The following UBR4 variants were observed in gnomAD, a reference collection of about 807,000 sequenced individuals.
The protein encoded by UBR4 is ubiquitin protein ligase E3 component n-recognin 4, also known as E3 ubiquitin-protein ligase UBR4.
A neutral mutation model predicts 575.6 loss-of-function variants in UBR4; 124 were observed. The ratio of observed to expected loss-of-function variants is 0.22; its 90% CI spans 0.19 to 0.25. UBR4 has a LOEUF of 0.25. UBR4 is among the 10% of genes least tolerant of loss of function. UBR4 has a pLI of 1.00. For missense variants in UBR4, 4,818 were observed against 6,478.8 expected (o/e 0.74, Z 8.80); for synonymous variants, 2,455 against 2,473.7 (o/e 0.99, Z 0.22).
At chr1:19,128,879 C>G (rs575848714) in intron 61 of UBR4, 99 bp downstream of exon 61, 2 of 1,061,518 alleles carry the variant, frequency 1.9e-6, no homozygotes, top group Admixed American at 3.7e-5. Context: ...TGGCCTAACA[C>G]CAAACGAAGG....
In UBR4 at chr1:19,164,226, C is replaced by A. The variant is rs752998276; in HGVS notation, c.4700+27G>T. On this transcript the variant is annotated intron_variant, in intron 33 of 105. Transcript: ENST00000375254. ...CCACTTCTCAAGATCAATGTTGTAACCTACAGATACAACTTCATCATCTTA... is the reference window on the plus strand; with the variant it reads ...CCACTTCTCAAGATCAATGTTGTAAACTACAGATACAACTTCATCATCTTA... The A allele has an allele frequency of 6.2e-6, 10 of 1,600,080 alleles. No homozygotes were observed. The East Asian group carries it at 1.1e-4, about 18-fold the overall frequency.
chr1:19,161,925 C>T lies in UBR4; in HGVS notation c.4957-28G>A, dbSNP rs774754170. 3.0e-5 allele frequency: 48 copies of T among 1,612,580 alleles called. No homozygotes were observed. The East Asian group carries it at 4.9e-4, about 16-fold the overall frequency. On this transcript the variant is annotated intron_variant, in intron 35 of 105. Coordinates refer to ENST00000375254, the MANE Select transcript of UBR4 (RefSeq NM_020765.3). ...TCAAAAATAATAAGTCTTTTTAATTCGAAATATATCCCTGCATATAAACAC... is the reference window on the plus strand; with the variant it reads ...TCAAAAATAATAAGTCTTTTTAATTTGAAATATATCCCTGCATATAAACAC...
chr1:19,198,506 C>T (rs2092587944), intron 5 of UBR4, 35 bp downstream of exon 5: 2 of 1,596,474 alleles, frequency 1.3e-6, no homozygotes, highest in African/African-American at 2.7e-5. Flanking sequence ...TAACAAAACC[C>T]ACAGAGAAGA....
At chr1:19,156,486 C>T in intron 41 of UBR4, 63 bp from the exon 42 acceptor site, 1 of 1,571,926 alleles carries the variant, frequency 6.4e-7, no homozygotes, top group Non-Finnish European at 8.6e-7. Flanking sequence ...TAATTCATTT[C>T]AGAGTAATGA....
chr1:19,139,800 C>T lies in UBR4; in HGVS notation c.8594-580G>A, dbSNP rs1339150248. On this transcript the variant is annotated intron_variant, in intron 58 of 105. Transcript: ENST00000375254. This position sits in a 1 kb window ranked among gnomAD's most constrained non-coding sequence, Gnocchi z 4.2. ...GAGCTCATTGGGAAATTTCACACCT[C>T]CTAATCATCCTCATCAGATGCTAAT... is the stretch of plus-strand genomic sequence containing the variant. 6.6e-6 allele frequency among the ~76,000 whole-genome samples: 1 copy of T among 152,158 alleles called. No homozygotes were observed. The highest frequency in any genetic ancestry group is 1.5e-5 in the Non-Finnish European group (1 of 68,028).
chr1:19,184,636 T>C (rs2091349011), intron 15 of UBR4, among the ~76,000 whole-genome samples: 1 of 152,156 alleles, frequency 6.6e-6, no homozygotes, highest in Non-Finnish European at 1.5e-5. Flanking sequence ...GCTATATATA[T>C]GAAGGCAAGA....
chr1:19,097,409 C>G (rs1444708280), intron 90 of UBR4, 129 bp from the exon 91 acceptor site: 5 of 629,560 alleles, frequency 7.9e-6, no homozygotes, highest in African/African-American at 1.9e-5. Flanking sequence ...GTCTCAACCA[C>G]AACATCTAGA....
At position 19,184,073 on chromosome 1, in the gene UBR4, G is replaced by A; in HGVS notation, c.2041C>T (p.His681Tyr). 1 of 1,614,170 alleles carries A rather than the reference G, an allele frequency of 6.2e-7. No individual in the cohort carries two copies. Among genetic ancestry groups the A allele is most frequent in the South Asian group, 1.1e-5 (1 of 91,082 alleles). ...ATACTGGCTAGGGTGGCCATATGGT[G>A]TTCTGAAAGAGATACACTCAGATAG... is the stretch of plus-strand genomic sequence containing the variant. ...RNYLSVSLSEHHMATLASIIK... is the reference protein window; with the variant it reads ...RNYLSVSLSEYHMATLASIIK... Residue 681 changes from histidine (H) to tyrosine (Y), a missense_variant, in exon 16 of 106, where the codon CAC becomes TAC. His to Tyr is a moderately conservative substitution (Grantham distance 83, BLOSUM62 2). Transcript: ENST00000375254.
chr1:19,204,101 C>T (rs1009731512), intron 1 of UBR4, among the ~76,000 whole-genome samples: 6 of 152,174 alleles, frequency 3.9e-5, no homozygotes, highest in African/African-American at 7.2e-5. Context: ...CAGGTTCAAG[C>T]GATTCTCCTG....
At chr1:19,107,613 T>C (rs536773661) in intron 81 of UBR4, among the ~76,000 whole-genome samples, 1 of 152,154 alleles carries the variant, frequency 6.6e-6, no homozygotes, top group South Asian at 2.1e-4. Context: ...TGAAACTCCA[T>C]TTCGATACAA....
intron 102 of UBR4, 78 bp from the exon 103 acceptor site, chr1:19,081,651 A>C (rs753134979): frequency 6.6e-7 from 1 of 1,505,080 alleles, no homozygotes; most frequent in Admixed American, 1.7e-5. Context: ...GAATTTGCTC[A>C]ATTTGTCGTT....
intron 97 of UBR4, among the ~76,000 whole-genome samples, chr1:19,090,657 G>A (rs959612291): frequency 1.1e-4 from 17 of 152,032 alleles, no homozygotes; most frequent in Non-Finnish European, 2.4e-4. Flanking sequence ...AGGCACAGGC[G>A]ACAGCTGTCT....
At chr1:19,172,685 C>T (rs937282516) in intron 25 of UBR4, among the ~76,000 whole-genome samples, 179 bp downstream of exon 25, 1 of 152,140 alleles carries the variant, frequency 6.6e-6, no homozygotes, top group Non-Finnish European at 1.5e-5. Context: ...CCTGACTCCT[C>T]CTGCACTATT....
chr1:19,087,349 G>C (rs536460999), intron 99 of UBR4, among the ~76,000 whole-genome samples: 15 of 152,328 alleles, frequency 9.8e-5, no homozygotes, highest in South Asian at 6.2e-4. Context: ...CTTTCAGGTG[G>C]AATCTAGTTT....
At chr1:19,180,965 T>C (rs1557936960) in intron 17 of UBR4, among the ~76,000 whole-genome samples, 1 of 152,250 alleles carries the variant, frequency 6.6e-6, no homozygotes, top group East Asian at 1.9e-4. Flanking sequence ...CCTTCAGCTA[T>C]CTTGCTAGTC....
At chr1:19,134,015 A>C (rs1367395433) in intron 60 of UBR4, among the ~76,000 whole-genome samples, 1 of 147,680 alleles carries the variant, frequency 6.8e-6, no homozygotes, top group Non-Finnish European at 1.5e-5. Flanking sequence ...GAACCTGGGA[A>C]CTGGAGATTG....
intron 67 of UBR4, 72 bp downstream of exon 67, chr1:19,121,862 T>G: frequency 3.3e-6 from 5 of 1,535,504 alleles, no homozygotes; most frequent in Non-Finnish European, 3.6e-6. Flanking sequence ...AGTTCAGTGC[T>G]TGGCATATAG....
chr1:19,149,754 C>T (rs1557793985), intron 49 of UBR4: 3 of 1,300,724 alleles, frequency 2.3e-6, no homozygotes, highest in African/African-American at 1.5e-5. Context: ...AGAAAGAGGG[C>T]ATACTAACCG....
At chr1:19,174,834 G>GT (rs1557907988) in intron 21 of UBR4, 120 bp downstream of exon 21, 1 of 922,274 alleles carries the variant, frequency 1.1e-6, no homozygotes, top group Non-Finnish European at 1.6e-6. Flanking sequence ...AGCTCAAATC[G>GT]TAACACAGAC....
Sources: allele counts gnomAD v4.1 joint callset (sites outside exome capture counted in the v4.1 genomes callset), GRCh38; gene constraint gnomAD v4.1.1; non-coding constraint Gnocchi (gnomAD v3.1); transcripts MANE v1.5; gene names NCBI Gene and HGNC (gene_info 2026-07-23, HGNC 2026-07-21).